Variants in CHD5 observed in about 807,000 individuals in gnomAD.
CHD5 encodes the protein ATP-dependent chromatin remodeler CHD5.
Under a neutral mutation model 230.3 loss-of-function variants are expected in CHD5, and 69 were observed. That is an observed-to-expected ratio of 0.30 (90% CI 0.25 to 0.37). The LOEUF is 0.37. Among genes scored for constraint, CHD5 ranks in the 10% least tolerant of loss-of-function variants. CHD5 has a pLI of 1.00. For synonymous variants in CHD5, 1,064 were observed against 1,065.9 expected, an observed-to-expected ratio of 1.00 and a Z score of 0.03; for missense variants, 1,827 against 2,622.8, an observed-to-expected ratio of 0.70 and a Z score of 6.63.
At chr1:6,127,975 T>C in intron 25 of CHD5, 71 bp downstream of exon 25, 2 of 1,206,578 alleles carry the variant, frequency 1.7e-6, no homozygotes, top group Non-Finnish European at 2.1e-6. Flanking sequence ...GTGGAAGGCG[T>C]GGACACAGTG....
In CHD5 at chr1:6,105,800, C is replaced by A. The variant is rs1332108755; in HGVS notation, c.*47-373G>T. Among the ~76,000 whole-genome samples the A allele has an allele frequency of 6.6e-6, 1 of 152,242 alleles. No individual in the cohort carries two copies. The highest frequency in any genetic ancestry group is 2.4e-5 in the African/African-American group (1 of 41,466). ...CTCCTGGCCAATAGCCCCCACAAAACCCTCAGCCACCCTCCTGGTCCTGGG... is the reference window on the plus strand; with the variant it reads ...CTCCTGGCCAATAGCCCCCACAAAAACCTCAGCCACCCTCCTGGTCCTGGG... On this transcript the variant is annotated intron_variant, in intron 41 of 41. Coordinates refer to ENST00000262450, the MANE Select transcript of CHD5 (RefSeq NM_015557.3). This position sits in a 1 kb window ranked among gnomAD's most constrained non-coding sequence, Gnocchi z 4.8.
chr1:6,144,728 C>G (rs909878181), intron 11 of CHD5, among the ~76,000 whole-genome samples: 5 of 152,170 alleles, frequency 3.3e-5, no homozygotes, highest in African/African-American at 1.2e-4. Flanking sequence ...CTCCCACCCA[C>G]CCAGGCTAAG....
chr1:6,134,976 A>C lies in CHD5; in HGVS notation c.2871-117T>G. 2 of 1,345,154 alleles carry C rather than the reference A, an allele frequency of 1.5e-6. No individual in the cohort carries two copies. The highest frequency in any genetic ancestry group is 2.1e-6 in the Non-Finnish European group (2 of 967,460). 83.3% of individuals were successfully genotyped at this position (1,345,154 alleles called of 1,614,324 possible). A position where few individuals can be genotyped will look rare whatever the true frequency, so the allele number is the denominator to read the frequency against. On this transcript the variant is annotated intron_variant, in intron 18 of 41. Coordinates refer to ENST00000262450, the MANE Select transcript of CHD5 (RefSeq NM_015557.3). The surrounding 1 kb of genome is among the most constrained non-coding windows in gnomAD (Gnocchi z 6.3). Reference sequence around the variant, plus strand: ...AAGCACCCATTTACAGAGAGACCCAAGGGACCCCCAAGAGGTGAAGCCACC... The same window carrying C: ...AAGCACCCATTTACAGAGAGACCCACGGGACCCCCAAGAGGTGAAGCCACC...
chr1:6,169,294 G>A (rs979288299), intron 1 of CHD5, among the ~76,000 whole-genome samples: 3 of 152,244 alleles, frequency 2.0e-5, no homozygotes, highest in African/African-American at 7.2e-5. Flanking sequence ...CTGGGCACTA[G>A]AAAGCTGTGA....
rs1417250926 is a variant in CHD5 at position 6,112,221 on chromosome 1, CTT to C, written c.5057_5058del (p.Lys1686ArgfsTer4). The C allele has an allele frequency of 1.2e-6, 2 of 1,614,158 alleles. No individual in the cohort carries two copies. The highest frequency in any genetic ancestry group is 1.7e-6 in the Non-Finnish European group (2 of 1,180,032). On this transcript the variant is annotated frameshift_variant, in exon 35 of 42. Transcript: ENST00000262450. LOFTEE classifies it high-confidence loss of function. ...TCCTTCTTCCCCTCGTCATCTTCCT[CTT>C]TGTCACCATTTTGCTGTGTTTCAAT... The part of the protein sequence containing the change: ...EPIETQQNGD[K>X]EEDDEGKKED...
chr1:6,152,654 C>T (rs761069907), intron 5 of CHD5, 118 bp from the exon 6 acceptor site: 96 of 1,511,046 alleles, frequency 6.4e-5, no homozygotes, highest in Middle Eastern at 3.7e-4. Context: ...ACCATCACCC[C>T]GTTTCAGATG....
Position 6,152,460 on chromosome 1 carries a change from G to A in CHD5, c.822C>T (p.Leu274=), listed in dbSNP as rs1667021501. 6.2e-7 allele frequency: 1 copy of A among 1,614,026 alleles called. No individual in the cohort carries two copies. The highest frequency in any genetic ancestry group is 8.5e-7 in the Non-Finnish European group (1 of 1,180,038). ...KKGKGKKTAG[L]KFRFGGISNK... ...TGCTGATCCCCCCGAAGCGGAACTTGAGCCCGGCCGTCTTTTTCCCTTTGC... is the reference window on the plus strand; with the variant it reads ...TGCTGATCCCCCCGAAGCGGAACTTAAGCCCGGCCGTCTTTTTCCCTTTGC... The change falls in exon 6 of 42, where the codon CTC becomes CTT. Residue 274 remains leucine, a synonymous_variant. Transcript: ENST00000262450.
chr1:6,106,588 G>A (rs748143247), intron 39 of CHD5, 28 bp downstream of exon 39: 7 of 1,552,014 alleles, frequency 4.5e-6, no homozygotes, highest in African/African-American at 1.4e-5. Flanking sequence ...CAGGGGGCTC[G>A]GGCCGGGGCA....
At chr1:6,178,943 G>C (rs903429008) in intron 1 of CHD5, among the ~76,000 whole-genome samples, 1 of 152,156 alleles carries the variant, frequency 6.6e-6, no homozygotes, top group Non-Finnish European at 1.5e-5. Context: ...TCTCTCCGAA[G>C]TCCAGAGAGG....
intron 1 of CHD5, 120 bp from the exon 2 acceptor site, chr1:6,168,397 G>GCTGCC: frequency 8.0e-7 from 1 of 1,247,548 alleles, no homozygotes; most frequent in East Asian, 2.4e-5. Context: ...CCAGGTCACA[G>GCTGCC]CTGCCCTGCC....
rs1474934039 is a variant in CHD5, at chr1:6,102,041, G to T, written c.*3433C>A. 1.0e-5 allele frequency: 4 copies of T among 393,316 alleles called. No individual in the cohort carries two copies. The highest frequency in any genetic ancestry group is 5.1e-6 in the Non-Finnish European group (1 of 196,802). 24.4% of individuals were successfully genotyped at this position (393,316 alleles called of 1,614,324 possible). ...CCTTTGCCAGCCTGGGGCTGTGCCT[G>T]GGGAAAGGGGTCGGCCCCCTCTTAG... is the stretch of plus-strand genomic sequence containing the variant. On this transcript the variant is annotated 3_prime_UTR_variant, in exon 42 of 42. Transcript: ENST00000262450.
intron 15 of CHD5, among the ~76,000 whole-genome samples, chr1:6,139,572 T>C (rs1666797195): frequency 1.3e-5 from 2 of 150,500 alleles, no homozygotes; most frequent in South Asian, 4.2e-4. Flanking sequence ...CAGAGTCTCA[T>C]TATGTTGCCC....
At chr1:6,166,166 G>A (rs1296337638) in intron 2 of CHD5, among the ~76,000 whole-genome samples, 1 of 151,430 alleles carries the variant, frequency 6.6e-6, no homozygotes, top group Non-Finnish European at 1.5e-5. Context: ...TGGGCAGAGG[G>A]GCCAGGGTCT....
intron 38 of CHD5, among the ~76,000 whole-genome samples, chr1:6,108,778 T>G (rs1031304878): frequency 5.1e-5 from 7 of 137,042 alleles, no homozygotes; most frequent in African/African-American, 2.0e-4. Flanking sequence ...GGAAGAATTA[T>G]GGAGGGATGG....
rs191199316 is a variant in CHD5 at position 6,159,816 on chromosome 1, C to T, written c.208-301G>A. Reference sequence around the variant, plus strand: ...GAGCAGGCTTCTCCATCTGCAAGCTCGGCTCAGCCCACTCCAGCAGCCCTG... The same window carrying T: ...GAGCAGGCTTCTCCATCTGCAAGCTTGGCTCAGCCCACTCCAGCAGCCCTG... On this transcript the variant is annotated intron_variant, in intron 2 of 41. Coordinates refer to ENST00000262450, the MANE Select transcript of CHD5 (RefSeq NM_015557.3). Among the ~76,000 whole-genome samples, 332 of 152,360 alleles carry T rather than the reference C, an allele frequency of 2.2e-3. 1 individual carries two copies. The highest frequency in any genetic ancestry group is 7.4e-3 in the African/African-American group (306 of 41,584).
chr1:6,175,955 T>C (rs983207459), intron 1 of CHD5, among the ~76,000 whole-genome samples: 8 of 151,816 alleles, frequency 5.3e-5, no homozygotes, highest in African/African-American at 1.9e-4. Flanking sequence ...GGTGAACGGT[T>C]ACTTGGTTGG....
At chr1:6,163,779 C>A (rs1253474062) in intron 2 of CHD5, among the ~76,000 whole-genome samples, 1 of 152,200 alleles carries the variant, frequency 6.6e-6, no homozygotes, top group Admixed American at 6.5e-5. Context: ...AGCCCCCGAA[C>A]CAACCCAACC....
At chr1:6,159,712 T>C (rs1398547371) in intron 2 of CHD5, among the ~76,000 whole-genome samples, 197 bp from the exon 3 acceptor site, 1 of 152,236 alleles carries the variant, frequency 6.6e-6, no homozygotes, top group African/African-American at 2.4e-5. Context: ...CAAGCCAGCC[T>C]GAGCCAAGTC....
intron 1 of CHD5, among the ~76,000 whole-genome samples, chr1:6,170,995 C>T (rs1667330025): frequency 6.6e-6 from 1 of 152,250 alleles, no homozygotes; most frequent in Admixed American, 6.5e-5. Flanking sequence ...GTGCCCAGCA[C>T]TGCTTATGTA....
Sources: gnomAD v4.1 joint callset for allele counts (sites outside exome capture counted in the v4.1 genomes callset) on GRCh38, gnomAD v4.1.1 for gene constraint, Gnocchi (gnomAD v3.1) non-coding constraint, MANE v1.5 for transcripts, NCBI Gene and HGNC (gene_info 2026-07-23, HGNC 2026-07-21) for gene names.